Variants in SAFB2 observed in about 807,000 individuals in gnomAD.
SAFB2 encodes scaffold attachment factor B2.
SAFB2 carries 32 observed loss-of-function variants against 100.6 expected under a neutral mutation model. The ratio of observed to expected loss-of-function variants is 0.32; its 90% confidence interval spans 0.24 to 0.43. SAFB2 has a LOEUF of 0.43. Ranked by LOEUF, SAFB2 falls within the 20% of genes least tolerant of loss-of-function variation. The pLI is 1.00. For synonymous variants in SAFB2, 500 were observed against 439.4 expected, an observed-to-expected ratio of 1.14 and a Z score of -1.72; for missense variants, 1,185 against 1,163.4, an observed-to-expected ratio of 1.02 and a Z score of -0.27.
At chr19:5,594,476 C>T (rs1234532221) in intron 14 of SAFB2, among the ~76,000 whole-genome samples, 3 of 152,154 alleles carry the variant, frequency 2.0e-5, no homozygotes, top group Non-Finnish European at 4.4e-5. Flanking sequence ...AAGAGAACGC[C>T]GGGCATCCCG....
rs150472516 is a variant in SAFB2, at chr19:5,590,360, C to A, written c.2443G>T (p.Gly815Cys). ...CCCCAGCCATCACGGGAGTCCCGGCCGTGGCGCTCTGGGGGTCCTCCGTGG... is the reference window on the plus strand; with the variant it reads ...CCCCAGCCATCACGGGAGTCCCGGCAGTGGCGCTCTGGGGGTCCTCCGTGG... ...HGHGGPPERH[G>C]RDSRDGWGGY... The change falls in exon 18 of 21, where the codon GGC becomes TGC. Residue 815 changes from glycine (G) to cysteine (C), a missense_variant. This residue lies in a region of SAFB2 where 740 missense variants were observed against 687.1 expected (regional missense o/e 1.08). Coordinates refer to ENST00000252542, the MANE Select transcript of SAFB2 (RefSeq NM_014649.3). 35 of 1,611,792 alleles carry A rather than the reference C, an allele frequency of 2.2e-5. No individual in the cohort carries two copies. In the Admixed American group the frequency reaches 5.9e-4, roughly 27 times the overall value.
At chr19:5,589,918 A>C (rs531354232) in intron 18 of SAFB2, among the ~76,000 whole-genome samples, 1 of 152,316 alleles carries the variant, frequency 6.6e-6, no homozygotes, top group African/African-American at 2.4e-5. Context: ...GGCAACGTGG[A>C]GGCAGGGGCG....
chr19:5,610,360 G>T, intron 8 of SAFB2: 1 of 583,794 alleles, frequency 1.7e-6, no homozygotes, highest in East Asian at 2.8e-5. Flanking sequence ...ATCCAAGACG[G>T]CAGTCTCTAA....
At chr19:5,598,978 CA>C in intron 12 of SAFB2, 94 bp from the exon 13 acceptor site, 1 of 1,112,314 alleles carries the variant, frequency 9.0e-7, no homozygotes, top group South Asian at 1.3e-5. Context: ...CTTTTGAACA[CA>C]CAAGGCGTGA....
rs1377358489 is a variant in SAFB2 at position 5,594,078 on chromosome 19, G to A, written c.2020C>T (p.Arg674Cys). The change falls in exon 15 of 21, where the codon CGC (arginine) becomes TGC (cysteine). Residue 674 changes from arginine (R) to cysteine (C), a missense_variant. Arg to Cys is a radical substitution (Grantham distance 180). Transcript: ENST00000252542. ...QRERLQLECQ[R>C]QRLERERMER... ...ATGCGCTCCCGCTCCAGCCGCTGGC[G>A]CTGGCACTCGAGCTGCAGGCGTTCC... 8.1e-6 allele frequency: 13 copies of A among 1,595,576 alleles called. No individual in the cohort carries two copies. The highest frequency in any genetic ancestry group is 1.7e-5 in the Admixed American group (1 of 58,676).
At chr19:5,622,450 G>A (rs1437405050) in intron 1 of SAFB2, 80 bp downstream of exon 1, 1 of 1,384,760 alleles carries the variant, frequency 7.2e-7, no homozygotes, top group Non-Finnish European at 9.4e-7. Context: ...GGCGCCCCGG[G>A]TCCGGGAGCC....
chr19:5,614,688 TAC>T (rs2052984543), intron 4 of SAFB2, among the ~76,000 whole-genome samples: 1 of 152,112 alleles, frequency 6.6e-6, no homozygotes, highest in Admixed American at 6.5e-5. Flanking sequence ...TCAGTCAGAG[TAC>T]AATGAAGATC....
intron 2 of SAFB2, among the ~76,000 whole-genome samples, chr19:5,620,632 G>A (rs958813676): frequency 1.2e-4 from 18 of 152,174 alleles, no homozygotes; most frequent in African/African-American, 3.6e-4. Context: ...AAATCTATGC[G>A]GACAGAACAT....
At chr19:5,588,100 T>C (rs2145309460) in intron 18 of SAFB2, 120 bp from the exon 19 acceptor site, 2 of 836,706 alleles carry the variant, frequency 2.4e-6, no homozygotes, top group East Asian at 5.7e-5. Flanking sequence ...AAGGGCTGCA[T>C]GTCAAGTGGG....
Position 5,590,265 on chromosome 19 carries a change from C to A in SAFB2, c.2525+13G>T. The A allele has an allele frequency of 6.3e-7, 1 of 1,576,318 alleles. No homozygotes were observed. The highest frequency in any genetic ancestry group is 1.2e-5 in the South Asian group (1 of 85,516). ...ACAGATGCTCCCCACCCGGCTGGGG[C>A]TCACCCACTAACCTGGGGGGAGGGG... is the stretch of plus-strand genomic sequence containing the variant. On this transcript the variant is annotated intron_variant, in intron 18 of 20. Coordinates refer to ENST00000252542, the MANE Select transcript of SAFB2 (RefSeq NM_014649.3).
At chr19:5,611,944 A>G (rs964176444) in intron 6 of SAFB2, 13 of 483,968 alleles carry the variant, frequency 2.7e-5, no homozygotes, top group African/African-American at 1.4e-4. Context: ...TGATTTTCCA[A>G]TGTCCAAGGT....
intron 11 of SAFB2, among the ~76,000 whole-genome samples, chr19:5,603,660 TCA>T (rs1404618607): frequency 2.0e-5 from 3 of 151,496 alleles, no homozygotes; most frequent in African/African-American, 7.3e-5. Flanking sequence ...CACCGTGAAC[TCA>T]CAGGGTGCCA....
chr19:5,611,922 G>C, intron 6 of SAFB2: 1 of 520,026 alleles, frequency 1.9e-6, no homozygotes, highest in Non-Finnish European at 3.5e-6. Flanking sequence ...GTTCAAGTCT[G>C]GGTCTTCTGA....
chr19:5,617,303 C>T (rs144841257), intron 2 of SAFB2, among the ~76,000 whole-genome samples: 1 of 151,930 alleles, frequency 6.6e-6, no homozygotes, highest in Non-Finnish European at 1.5e-5. Flanking sequence ...AAGGCAAAGG[C>T]TGCCATAAAG....
intron 4 of SAFB2, 50 bp from the exon 5 acceptor site, chr19:5,613,577 C>T: frequency 6.3e-7 from 1 of 1,593,642 alleles, no homozygotes; most frequent in Non-Finnish European, 8.6e-7. Flanking sequence ...GCTATGAAAA[C>T]CAAGGCTGAC....
In SAFB2 at chr19:5,621,327, C is replaced by T. The variant is rs1399731954; in HGVS notation, c.256G>A (p.Ala86Thr). The T allele has an allele frequency of 1.2e-6, 2 of 1,612,612 alleles. No homozygotes were observed. Among genetic ancestry groups the T allele is most frequent in the South Asian group, 2.2e-5 (2 of 91,054 alleles). The change falls in exon 2 of 21, where the codon GCC becomes ACC. Residue 86 changes from alanine to threonine, a missense_variant. By Grantham distance (58) the Ala-to-Thr change is moderately conservative. Around this residue, in one of 3 missense-constraint regions of SAFB2, gnomAD observed 351 missense variants for 341.2 expected, o/e 1.03. Transcript: ENST00000252542. ...IELEATSKKS[A>T]KRCVKGLKME... The stretch of plus-strand genomic sequence containing the variant: ...ACAATACCTTTAACACATCTCTTGG[C>T]TGACTTCTTGCTGGTGGCTTCTAAC...
At chr19:5,595,317 C>A in intron 14 of SAFB2, 44 bp downstream of exon 14, 1 of 1,589,464 alleles carries the variant, frequency 6.3e-7, no homozygotes, top group South Asian at 1.1e-5. Context: ...ACAGCCACCC[C>A]GAGAGGAAAC....
chr19:5,608,195 C>T lies in SAFB2; in HGVS notation c.1296+1800G>A, dbSNP rs142356892. Among the ~76,000 whole-genome samples the T allele has an allele frequency of 8.2e-4, 125 of 152,330 alleles. 2 individuals carry two copies. The East Asian group carries it at 0.019, about 23-fold the overall frequency. ...CAGGTAAGGCCAACTCTGTCACTCA[C>T]GCCTCAGCTGAATGTCACTTCTTCA... is the stretch of plus-strand genomic sequence containing the variant. On this transcript the variant is annotated intron_variant, in intron 9 of 20. Transcript: ENST00000252542.
chr19:5,622,053 G>A (rs115982781), intron 1 of SAFB2, among the ~76,000 whole-genome samples: 48 of 152,352 alleles, frequency 3.2e-4, no homozygotes, highest in African/African-American at 1.1e-3. Context: ...ACAACAAGGG[G>A]CCGGCCACGA....
Sources: allele counts gnomAD v4.1 joint callset (sites outside exome capture counted in the v4.1 genomes callset), GRCh38; gene constraint gnomAD v4.1.1; regional missense constraint gnomAD v4.1.1; transcripts MANE v1.5; gene names NCBI Gene and HGNC (gene_info 2026-07-23, HGNC 2026-07-21).